Variants in TNS3 observed in about 807,000 individuals in gnomAD.
The protein encoded by TNS3 is tensin-3.
A neutral mutation model predicts 140.9 loss-of-function variants in TNS3; 45 were observed. That is an observed-to-expected ratio of 0.32 (90% CI 0.25 to 0.41). The LOEUF is 0.41. TNS3 is among the 10% of genes least tolerant of loss of function. TNS3 has a pLI of 1.00. For missense variants in TNS3, 1,716 were observed against 1,906.7 expected (o/e 0.90, Z 1.86); for synonymous variants, 815 against 788.4 (o/e 1.03, Z -0.56).
intron 1 of TNS3, among the ~76,000 whole-genome samples, chr7:47,529,861 T>G (rs11984076): frequency 0.03 from 4,620 of 152,350 alleles, 236 homozygotes; most frequent in African/African-American, 0.1. Flanking sequence ...TATGTGACCG[T>G]GTATTCTATC....
At chr7:47,368,332 C>T in intron 17 of TNS3, 33 bp downstream of exon 17, 1 of 1,450,778 alleles carries the variant, frequency 6.9e-7, no homozygotes, top group Non-Finnish European at 9.1e-7. Context: ...GGAGCACCTC[C>T]CGTGGAGCAC....
At chr7:47,352,615 G>A (rs187895370) in intron 17 of TNS3, among the ~76,000 whole-genome samples, 269 of 152,324 alleles carry the variant, frequency 1.8e-3, no homozygotes, top group African/African-American at 5.7e-3. Flanking sequence ...CTGGAGGTCC[G>A]TCCTTTCCAT....
intron 4 of TNS3, among the ~76,000 whole-genome samples, chr7:47,456,399 T>C (rs1400600558): frequency 1.3e-5 from 2 of 152,160 alleles, no homozygotes; most frequent in African/African-American, 2.4e-5. Context: ...ATTCGTCCTC[T>C]AGAAGCCTCA....
intron 4 of TNS3, among the ~76,000 whole-genome samples, chr7:47,474,509 ACAC>A (rs2151755499): frequency 6.6e-6 from 1 of 151,412 alleles, no homozygotes; most frequent in South Asian, 2.1e-4. Flanking sequence ...ATGTACACAC[ACAC>A]AACACAGGCA....
chr7:47,346,087 T>C, intron 18 of TNS3, 100 bp downstream of exon 18: 1 of 1,475,874 alleles, frequency 6.8e-7, no homozygotes, highest in Non-Finnish European at 9.2e-7. Context: ...GTGGGCTGTA[T>C]TCAGGGACAA....
rs1371280755 is a variant in TNS3 at position 47,286,539 on chromosome 7, C to A, written c.3929-2674G>T. ...TGGCCAGAGGTGAAGATTCAGTGCC[C>A]AGTAAGAGTTACCAGGAAGGCACCC... On this transcript the variant is annotated intron_variant, in intron 27 of 30. Transcript: ENST00000311160. Among the ~76,000 whole-genome samples, 3 of 152,016 alleles carry A rather than the reference C, an allele frequency of 2.0e-5. No individual in the cohort carries two copies. In the South Asian group the frequency reaches 6.2e-4, roughly 32 times the overall value.
intron 16 of TNS3, among the ~76,000 whole-genome samples, chr7:47,378,534 C>T (rs1253592449): frequency 6.6e-6 from 1 of 152,160 alleles, no homozygotes; most frequent in Non-Finnish European, 1.5e-5. Flanking sequence ...ACAGTTTTCC[C>T]ATCCCATACT....
intron 16 of TNS3, among the ~76,000 whole-genome samples, chr7:47,384,834 C>T (rs1483279574): frequency 6.6e-6 from 1 of 152,222 alleles, no homozygotes; most frequent in African/African-American, 2.4e-5. Context: ...CCCACAAGGC[C>T]TGCTGTCTCC....
chr7:47,279,603 G>A (rs927417499), intron 30 of TNS3: 1 of 156,242 alleles, frequency 6.4e-6, no homozygotes, highest in Non-Finnish European at 1.4e-5. Flanking sequence ...TTGGGAGGCT[G>A]AGGCAGGAGA....
rs113610418 is a variant in TNS3, at chr7:47,420,656, T to G, written c.473+3445A>C. On this transcript the variant is annotated intron_variant, in intron 10 of 30. Coordinates refer to ENST00000311160, the MANE Select transcript of TNS3 (RefSeq NM_022748.12). ...CAGCCTATAAAGTCTAGGACCAAGG[T>G]TAAACACCACACTTGACCTTCATGT... Among the ~76,000 whole-genome samples, 8 of 152,268 alleles carry G rather than the reference T, an allele frequency of 5.3e-5. 1 individual carries two copies. The highest frequency in any genetic ancestry group is 1.7e-4 in the African/African-American group (7 of 41,552).
intron 30 of TNS3, chr7:47,278,943 T>A: frequency 6.6e-6 from 1 of 152,172 alleles, no homozygotes; most frequent in Non-Finnish European, 1.5e-5. Context: ...ATTTTTTTTG[T>A]TTAAATTTAG....
At chr7:47,343,625 A>G (rs1789147896) in intron 20 of TNS3, among the ~76,000 whole-genome samples, 1 of 152,220 alleles carries the variant, frequency 6.6e-6, no homozygotes, top group South Asian at 2.1e-4. Context: ...TTCTGCATCT[A>G]TTGAAATGAT....
At chr7:47,443,717 T>C (rs991254699) in intron 4 of TNS3, among the ~76,000 whole-genome samples, 10 of 151,604 alleles carry the variant, frequency 6.6e-5, no homozygotes, top group African/African-American at 1.7e-4. Flanking sequence ...AAGCCAGGAG[T>C]TCAAGACCAC....
At chr7:47,468,271 T>A (rs1458873351) in intron 4 of TNS3, among the ~76,000 whole-genome samples, 1 of 151,964 alleles carries the variant, frequency 6.6e-6, no homozygotes, top group Non-Finnish European at 1.5e-5. Flanking sequence ...TGAAACCCCG[T>A]CTCTAGTAAA....
At chr7:47,370,457 C>G (rs529608825) in intron 16 of TNS3, among the ~76,000 whole-genome samples, 1 of 152,296 alleles carries the variant, frequency 6.6e-6, no homozygotes, top group East Asian at 1.9e-4. Context: ...CCTGCATGCG[C>G]TGATTTCCAT....
At chr7:47,548,917 A>G (rs2151978004) in intron 1 of TNS3, among the ~76,000 whole-genome samples, 1 of 152,182 alleles carries the variant, frequency 6.6e-6, no homozygotes, top group East Asian at 1.9e-4. Flanking sequence ...CACAAATAGC[A>G]CCACTTCCCC....
At chr7:47,545,455 AC>A (rs1331121908) in intron 1 of TNS3, among the ~76,000 whole-genome samples, 6 of 152,148 alleles carry the variant, frequency 3.9e-5, no homozygotes, top group African/African-American at 1.4e-4. Context: ...AATCTCTGTT[AC>A]TGTTTGATGT....
intron 1 of TNS3, among the ~76,000 whole-genome samples, chr7:47,531,678 T>C (rs928224554): frequency 2.0e-5 from 3 of 152,158 alleles, no homozygotes; most frequent in Non-Finnish European, 4.4e-5. Context: ...GAAAAGGAAA[T>C]ATACTATTGA....
chr7:47,450,347 T>C (rs1282601236), intron 4 of TNS3, among the ~76,000 whole-genome samples: 1 of 152,184 alleles, frequency 6.6e-6, no homozygotes, highest in Non-Finnish European at 1.5e-5. Flanking sequence ...AGGAAGACAG[T>C]GCCCACAGAA....
Sources: allele counts gnomAD v4.1 joint callset (sites outside exome capture counted in the v4.1 genomes callset), GRCh38; gene constraint gnomAD v4.1.1; transcripts MANE v1.5; gene names NCBI Gene and HGNC (gene_info 2026-07-23, HGNC 2026-07-21).